DLGAP1: variants seen among roughly 807,000 people sequenced by gnomAD.
The protein encoded by DLGAP1 is disks large-associated protein 1.
Under a neutral mutation model 90.8 loss-of-function variants are expected in DLGAP1, and 11 were observed. The ratio of observed to expected loss-of-function variants is 0.12; its 90% confidence interval spans 0.08 to 0.20. The LOEUF is 0.20. Among genes scored for constraint, DLGAP1 ranks in the 10% least tolerant of loss-of-function variants. The probability of loss-of-function intolerance (pLI) is 1.00; values close to 1 mark genes in which losing one functional copy is unlikely to be tolerated. For missense variants in DLGAP1, 1,050 were observed against 1,333.8 expected, an observed-to-expected ratio of 0.79 and a Z score of 3.31; for synonymous variants, 558 against 540.7, an observed-to-expected ratio of 1.03 and a Z score of -0.44.
intron 3 of DLGAP1, among the ~76,000 whole-genome samples, chr18:3,905,874 G>A (rs369191958): frequency 6.6e-6 from 1 of 152,254 alleles, no homozygotes; most frequent in East Asian, 1.9e-4. Context: ...AAAAGGGTTC[G>A]AAGTTTTGCA....
intron 1 of DLGAP1, among the ~76,000 whole-genome samples, chr18:4,170,038 A>T (rs1286249101): frequency 6.6e-6 from 1 of 152,130 alleles, no homozygotes; most frequent in Non-Finnish European, 1.5e-5. Flanking sequence ...ACTGTTAGGG[A>T]CTATTTAAGA....
rs575452596 is a variant in DLGAP1, at chr18:3,549,939, A to C, written c.2058-15324T>G. 3.3e-5 allele frequency among the ~76,000 whole-genome samples: 5 copies of C among 151,726 alleles called. No individual in the cohort carries two copies. In the South Asian group the frequency reaches 1.0e-3, roughly 32 times the overall value. On this transcript the variant is annotated intron_variant, in intron 9 of 12. Coordinates refer to ENST00000315677, the MANE Select transcript of DLGAP1 (RefSeq NM_004746.4). ...ATTTATTTACTTATTTTTAAGATGG[A>C]GTCTCGCTCTGTTGCCCAGGCTGGA... is the stretch of plus-strand genomic sequence containing the variant.
At chr18:3,782,338 T>C (rs1406389499) in intron 5 of DLGAP1, among the ~76,000 whole-genome samples, 2 of 152,194 alleles carry the variant, frequency 1.3e-5, no homozygotes, top group Non-Finnish European at 2.9e-5. Context: ...GGTTTCACCA[T>C]GTTGGTCAGG....
Position 4,022,888 on chromosome 18 carries a change from T to C in DLGAP1, c.-158-17687A>G, listed in dbSNP as rs1470103476. On this transcript the variant is annotated intron_variant, in intron 2 of 12. Coordinates refer to ENST00000315677, the MANE Select transcript of DLGAP1 (RefSeq NM_004746.4). ...TTTTAGTTTTTGTCAATCTGATGAT[T>C]ATAGACTGACACTTTATCAATGATT... 3.1e-5 allele frequency among the ~76,000 whole-genome samples: 4 copies of C among 130,938 alleles called. 1 individual carries two copies. The highest frequency in any genetic ancestry group is 6.9e-5 in the Non-Finnish European group (4 of 58,368). 85.9% of individuals were successfully genotyped at this position (130,938 alleles called of 152,430 possible).
At chr18:4,150,997 G>A (rs539438840) in intron 2 of DLGAP1, among the ~76,000 whole-genome samples, 183 bp downstream of exon 2, 2 of 152,312 alleles carry the variant, frequency 1.3e-5, no homozygotes, top group Admixed American at 6.5e-5. Context: ...TAGCTAGGAA[G>A]TTAAAAAACA....
rs565554528 is a variant in DLGAP1 at position 4,336,079 on chromosome 18, C to T, written c.-267+118927G>A. Among the ~76,000 whole-genome samples the T allele has an allele frequency of 2.0e-5, 3 of 152,318 alleles. No homozygotes were observed. In the South Asian group the frequency reaches 6.2e-4, roughly 32 times the overall value. ...CTATCAATGCCAATCTGCCTGTTAT[C>T]ACTATTAGCATACTGCAGTACGTCT... On this transcript the variant is annotated intron_variant, in intron 1 of 12. Transcript: ENST00000315677.
intron 4 of DLGAP1, among the ~76,000 whole-genome samples, chr18:3,834,738 T>C (rs2068272553): frequency 6.6e-6 from 1 of 152,242 alleles, no homozygotes; most frequent in African/African-American, 2.4e-5. Flanking sequence ...AGGGAGCTTT[T>C]ACTTTTAACC....
rs540083484 is a variant in DLGAP1, at chr18:4,094,391, A to C, written c.-159+56789T>G. Among the ~76,000 whole-genome samples, 22 of 152,194 alleles carry C rather than the reference A, an allele frequency of 1.4e-4. No individual in the cohort carries two copies. In the South Asian group the frequency reaches 4.6e-3, roughly 32 times the overall value. ...ACGGTTATGTATAACATTGATTGTT[A>C]ATTTAAAATTAATTTTCTGTATCTT... On this transcript the variant is annotated intron_variant, in intron 2 of 12. Transcript: ENST00000315677.
At chr18:3,580,775 T>C (rs577698178) in intron 8 of DLGAP1, 288 of 1,610,366 alleles carry the variant, frequency 1.8e-4, no homozygotes, top group Admixed American at 4.2e-4. Flanking sequence ...GACTTTGCAG[T>C]GTGCATGGTC....
chr18:3,648,565 C>G (rs2059197307), intron 7 of DLGAP1, among the ~76,000 whole-genome samples: 1 of 152,216 alleles, frequency 6.6e-6, no homozygotes, highest in Non-Finnish European at 1.5e-5. Context: ...AATATCAAGG[C>G]CATTTTCTAA....
chr18:4,297,651 T>C (rs1415348222), intron 1 of DLGAP1, among the ~76,000 whole-genome samples: 5 of 152,178 alleles, frequency 3.3e-5, no homozygotes, highest in African/African-American at 7.2e-5. Flanking sequence ...TCCATTAAGA[T>C]AGACAGCACG....
intron 10 of DLGAP1, among the ~76,000 whole-genome samples, chr18:3,525,427 T>A (rs1029775494): frequency 1.3e-5 from 2 of 152,112 alleles, no homozygotes; most frequent in Non-Finnish European, 1.5e-5. Context: ...CGACATGGAG[T>A]TTTGCTCTGT....
intron 5 of DLGAP1, among the ~76,000 whole-genome samples, chr18:3,746,900 ATTAC>A (rs148685961): frequency 1.1e-3 from 170 of 152,332 alleles, no homozygotes; most frequent in African/African-American, 4.0e-3. Flanking sequence ...CTTGTATGGA[ATTAC>A]TTAATATATA....
intron 3 of DLGAP1, among the ~76,000 whole-genome samples, chr18:3,911,911 T>C (rs1039918284): frequency 2.6e-5 from 4 of 152,206 alleles, no homozygotes; most frequent in Admixed American, 1.3e-4. Flanking sequence ...TCAATGGCAG[T>C]TGGTTATCAA....
chr18:4,298,630 G>T (rs192828178), intron 1 of DLGAP1, among the ~76,000 whole-genome samples: 76 of 152,212 alleles, frequency 5.0e-4, no homozygotes, highest in African/African-American at 1.6e-3. Context: ...TTGTGGGGTG[G>T]GGGGAAAGGG....
chr18:3,592,858 A>AG (rs1390370761), intron 7 of DLGAP1, among the ~76,000 whole-genome samples: 8 of 133,666 alleles, frequency 6.0e-5, no homozygotes, highest in Admixed American at 4.9e-4. Context: ...AAAAAAAAAA[A>AG]AAAAAAAAAG....
intron 2 of DLGAP1, among the ~76,000 whole-genome samples, chr18:4,014,463 G>C (rs949962850): frequency 6.6e-6 from 1 of 152,126 alleles, no homozygotes; most frequent in African/African-American, 2.4e-5. Context: ...CAGATAAAAG[G>C]AATGTGTCCT....
intron 8 of DLGAP1, among the ~76,000 whole-genome samples, chr18:3,572,603 T>G (rs1445510072): frequency 6.6e-6 from 1 of 152,082 alleles, no homozygotes; most frequent in East Asian, 1.9e-4. Context: ...GCATGTGCCA[T>G]CATGCCTGGC....
intron 7 of DLGAP1, among the ~76,000 whole-genome samples, chr18:3,649,987 C>T (rs112604513): frequency 2.0e-5 from 3 of 152,112 alleles, no homozygotes; most frequent in African/African-American, 2.4e-5. Context: ...GGAGGGTCCT[C>T]GTCTTAGGAA....
Sources: gnomAD v4.1 joint callset for allele counts (sites outside exome capture counted in the v4.1 genomes callset) on GRCh38, gnomAD v4.1.1 for gene constraint, MANE v1.5 for transcripts, NCBI Gene and HGNC (gene_info 2026-07-23, HGNC 2026-07-21) for gene names.